Variants in CDC42SE2 observed in about 807,000 individuals in gnomAD.
CDC42SE2 encodes the protein CDC42 small effector 2.
A neutral mutation model predicts 11.5 loss-of-function variants in CDC42SE2; 3 were observed. The observed-to-expected ratio is 0.26, with a 90% CI of 0.12 to 0.67. CDC42SE2 has a LOEUF of 0.67. Among genes scored for constraint, CDC42SE2 ranks in the 30% least tolerant of loss-of-function variants. The pLI is 0.80. For missense variants in CDC42SE2, 82 were observed against 106.8 expected (o/e 0.77, Z 1.02); for synonymous variants, 33 against 34.8 (o/e 0.95, Z 0.18).
At chr5:131,279,563 T>A (rs1327272388) in intron 1 of CDC42SE2, among the ~76,000 whole-genome samples, 1 of 151,846 alleles carries the variant, frequency 6.6e-6, no homozygotes, top group Admixed American at 6.6e-5. Flanking sequence ...CTTTCTCTGA[T>A]AATTTACTTT....
chr5:131,356,036 T>C (rs1329948105), intron 2 of CDC42SE2, among the ~76,000 whole-genome samples: 3 of 152,204 alleles, frequency 2.0e-5, no homozygotes, highest in Non-Finnish European at 4.4e-5. Flanking sequence ...GGATAAGCTA[T>C]TTAATGACCA....
chr5:131,358,118 G>A (rs1242712470), intron 2 of CDC42SE2, among the ~76,000 whole-genome samples: 4 of 152,164 alleles, frequency 2.6e-5, no homozygotes, highest in African/African-American at 9.7e-5. Flanking sequence ...TCATGATACC[G>A]TTTTGCCTAG....
chr5:131,385,551 A>T lies in CDC42SE2; in HGVS notation c.63A>T (p.Arg21=), dbSNP rs559040395. 6.2e-7 allele frequency: 1 copy of T among 1,613,186 alleles called. No individual in the cohort carries two copies. The highest frequency in any genetic ancestry group is 1.3e-5 in the African/African-American group (1 of 75,036). Residue 21 remains arginine, a synonymous_variant, in exon 4 of 5, where the codon CGA becomes CGT. Coordinates refer to ENST00000505065, the MANE Select transcript of CDC42SE2 (RefSeq NM_001375635.1). The part of the protein sequence containing the change: ...CIAEQPQPKR[R]RRIDRSMIGE... Reference sequence around the variant, plus strand: ...TGTTCCCCATATTTTAGAAAAGGCGACGGCGGATTGACAGAAGTATGATTG... The same window carrying T: ...TGTTCCCCATATTTTAGAAAAGGCGTCGGCGGATTGACAGAAGTATGATTG...
chr5:131,348,757 G>A (rs1462233963), intron 2 of CDC42SE2, among the ~76,000 whole-genome samples: 3 of 152,210 alleles, frequency 2.0e-5, no homozygotes, highest in African/African-American at 7.2e-5. Context: ...CAAGGCTACA[G>A]TAACCAAAAC....
intron 1 of CDC42SE2, among the ~76,000 whole-genome samples, chr5:131,272,586 G>A (rs1757016299): frequency 6.6e-6 from 1 of 151,950 alleles, no homozygotes; most frequent in Admixed American, 6.6e-5. Context: ...CATTGCTTCA[G>A]TATTCATCTC....
chr5:131,350,503 A>G (rs1758979720), intron 2 of CDC42SE2, among the ~76,000 whole-genome samples: 1 of 152,072 alleles, frequency 6.6e-6, no homozygotes, highest in Admixed American at 6.6e-5. Flanking sequence ...AAGTAAGATA[A>G]AACCACTAAT....
the CDC42SE2 span, among the ~76,000 whole-genome samples, chr5:131,216,246 C>T: frequency 2.6e-5 from 4 of 152,108 alleles, no homozygotes; most frequent in Non-Finnish European, 2.9e-5. Context: ...CCTGTAATCC[C>T]AGCACTTTGG....
intron 2 of CDC42SE2, among the ~76,000 whole-genome samples, chr5:131,258,738 G>T (rs34186696): frequency 6.6e-6 from 1 of 152,082 alleles, no homozygotes; most frequent in African/African-American, 2.4e-5. Context: ...GACCCACCTC[G>T]AATTCCTTTC....
At chr5:131,345,821 C>G (rs1758828349) in intron 2 of CDC42SE2, among the ~76,000 whole-genome samples, 1 of 152,172 alleles carries the variant, frequency 6.6e-6, no homozygotes, top group Non-Finnish European at 1.5e-5. Flanking sequence ...CTCTATAAGC[C>G]AGAAGAGAGT....
At chr5:131,269,368 A>T (rs911126402) in intron 1 of CDC42SE2, among the ~76,000 whole-genome samples, 1 of 152,218 alleles carries the variant, frequency 6.6e-6, no homozygotes, top group Non-Finnish European at 1.5e-5. Flanking sequence ...TGAAATAACT[A>T]AATTATGAGC....
chr5:131,380,281 C>T (rs1750282396), intron 3 of CDC42SE2, among the ~76,000 whole-genome samples: 1 of 152,070 alleles, frequency 6.6e-6, no homozygotes. Context: ...TCTTCCAGAG[C>T]CCCAAGTCCA....
intron 1 of CDC42SE2, among the ~76,000 whole-genome samples, chr5:131,278,718 T>C (rs1234679925): frequency 4.0e-4 from 13 of 32,874 alleles, no homozygotes; most frequent in Non-Finnish European, 5.2e-4. Flanking sequence ...TCCTCTCCCC[T>C]CCCCTCCCCC....
intron 3 of CDC42SE2, among the ~76,000 whole-genome samples, chr5:131,371,726 T>C (rs1313470529): frequency 6.6e-6 from 1 of 152,230 alleles, no homozygotes; most frequent in Non-Finnish European, 1.5e-5. Flanking sequence ...AAGACCAGTT[T>C]TCTTTCTAGT....
At position 131,393,678 on chromosome 5, in the gene CDC42SE2, CTATT is replaced by C. The variant is rs1254392695; in HGVS notation, c.*2590_*2593del. On this transcript the variant is annotated 3_prime_UTR_variant, in exon 5 of 5. Transcript: ENST00000505065. ...TTTCTTGGCATTATCAGCACTCATG[CTATT>C]TAGTCTACTTCTATTTTGACTGACT... 3 of 152,324 alleles carry C rather than the reference CTATT, an allele frequency of 2.0e-5. No homozygotes were observed. The East Asian group carries it at 5.6e-4, about 29-fold the overall frequency. 9.4% of individuals were successfully genotyped at this position (152,324 alleles called of 1,614,324 possible).
At chr5:131,232,669 G>A in the CDC42SE2 span, among the ~76,000 whole-genome samples, 1 of 149,412 alleles carries the variant, frequency 6.7e-6, no homozygotes, top group Non-Finnish European at 1.5e-5. Flanking sequence ...AGGAGGCGGA[G>A]GTTGCAGTGA....
intron 2 of CDC42SE2, among the ~76,000 whole-genome samples, chr5:131,349,848 AAATTT>A (rs1758957131): frequency 6.6e-6 from 1 of 152,216 alleles, no homozygotes; most frequent in Admixed American, 6.5e-5. Context: ...GACAAATAAA[AAATTT>A]AATATACTAT....
intron 4 of CDC42SE2, among the ~76,000 whole-genome samples, chr5:131,387,406 C>CTGAG (rs1750519536): frequency 6.6e-6 from 1 of 152,034 alleles, no homozygotes; most frequent in African/African-American, 2.4e-5. Context: ...AAAAAATTAG[C>CTGAG]TGAGTGAAGT....
At chr5:131,301,049 C>G (rs1438149529) in intron 1 of CDC42SE2, among the ~76,000 whole-genome samples, 1 of 152,158 alleles carries the variant, frequency 6.6e-6, no homozygotes, top group East Asian at 1.9e-4. Context: ...CAACAATTCT[C>G]TGTGGCAGTC....
chr5:131,292,792 G>T (rs1042896130), intron 1 of CDC42SE2, among the ~76,000 whole-genome samples: 3 of 149,852 alleles, frequency 2.0e-5, no homozygotes, highest in Non-Finnish European at 4.4e-5. Context: ...TACACCTGTA[G>T]TCCCAGCTCC....
Sources: allele counts gnomAD v4.1 joint callset (sites outside exome capture counted in the v4.1 genomes callset), GRCh38; gene constraint gnomAD v4.1.1; transcripts MANE v1.5; gene names NCBI Gene and HGNC (gene_info 2026-07-23, HGNC 2026-07-21).